Variants in CNTNAP4 observed in about 807,000 individuals in gnomAD.
The protein encoded by CNTNAP4 is contactin-associated protein-like 4.
In CNTNAP4, 98 loss-of-function variants were observed where a neutral mutation model predicts 148.4. The ratio of observed to expected loss-of-function variants is 0.66; its 90% CI spans 0.56 to 0.78. CNTNAP4 has a LOEUF of 0.78. Ranked by LOEUF, CNTNAP4 falls within the 30% of genes least tolerant of loss-of-function variation. The probability of loss-of-function intolerance (pLI) is 0.00; values close to 1 mark genes in which losing one functional copy is unlikely to be tolerated. For synonymous variants in CNTNAP4, 730 were observed against 565.1 expected (o/e 1.29, Z -4.14); for missense variants, 1,935 against 1,565.6 (o/e 1.24, Z -3.98).
At position 76,538,262 on chromosome 16, in the gene CNTNAP4, AC is replaced by A. The variant is rs768161240; in HGVS notation, c.3143del (p.Thr1048LysfsTer11). On this transcript the variant is annotated frameshift_variant, in exon 19 of 24. Coordinates refer to ENST00000611870, the MANE Select transcript of CNTNAP4 (RefSeq NM_033401.5). LOFTEE classifies it high-confidence loss of function. ...SREMIKFSFR[T>X]TRTPSLLLFV... ...AGAAATGATCAAATTTAGTTTCCGA[AC>A]AACACGAACACCAAGCTTGCTGCTT... 1 of 1,611,064 alleles carries A rather than the reference AC, an allele frequency of 6.2e-7. No homozygotes were observed. The highest frequency in any genetic ancestry group is 8.5e-7 in the Non-Finnish European group (1 of 1,178,876).
At chr16:76,296,721 T>G (rs1378234238) in intron 1 of CNTNAP4, among the ~76,000 whole-genome samples, 2 of 152,096 alleles carry the variant, frequency 1.3e-5, no homozygotes, top group African/African-American at 4.8e-5. Context: ...TTTTGGAAAT[T>G]CCACATCAAT....
chr16:76,388,387 T>C (rs2016687524), intron 3 of CNTNAP4, among the ~76,000 whole-genome samples: 1 of 152,238 alleles, frequency 6.6e-6, no homozygotes, highest in Non-Finnish European at 1.5e-5. Flanking sequence ...CCATTCTTTC[T>C]TACTTGAGGC....
rs373345075 is a variant in CNTNAP4, at chr16:76,323,748, C to G, written c.196+7225C>G. On this transcript the variant is annotated intron_variant, in intron 2 of 23. Coordinates refer to ENST00000611870, the MANE Select transcript of CNTNAP4 (RefSeq NM_033401.5). ...GTCTTGGTGCGTTTTCCATCTTACCCTTTATCGTCCTTGTCTGCTCTATGG... is the reference window on the plus strand; with the variant it reads ...GTCTTGGTGCGTTTTCCATCTTACCGTTTATCGTCCTTGTCTGCTCTATGG... Among the ~76,000 whole-genome samples the G allele has an allele frequency of 3.9e-5, 6 of 152,268 alleles. No individual in the cohort carries two copies. In the East Asian group the frequency reaches 9.7e-4, roughly 25 times the overall value.
chr16:76,495,002 G>T lies in CNTNAP4; in HGVS notation c.2173G>T (p.Gly725Ter). ...GCCTGATCTTCAAAAATGTACTTGT[G>T]GATTAGAGGGAAACTGCATTGATTC... ...SSPDLQKCTC[G>*]LEGNCIDSQY... is the part of the protein sequence containing the mutation. The change falls in exon 14 of 24, where the codon GGA (glycine) becomes TGA (stop). Residue 725 changes from glycine (G) to a stop codon, truncating the protein, a stop_gained. Transcript: ENST00000611870. LOFTEE classifies it high-confidence loss of function. 1 of 1,613,476 alleles carries T rather than the reference G, an allele frequency of 6.2e-7. No homozygotes were observed. Among genetic ancestry groups the T allele is most frequent in the Non-Finnish European group, 8.5e-7 (1 of 1,179,570 alleles).
intron 3 of CNTNAP4, among the ~76,000 whole-genome samples, chr16:76,390,585 A>AG (rs1191583017): frequency 6.6e-6 from 1 of 151,920 alleles, no homozygotes; most frequent in East Asian, 1.9e-4. Flanking sequence ...AAAAAAAAAA[A>AG]AAGCCCTGCT....
chr16:76,392,588 C>G (rs528655045), intron 3 of CNTNAP4, among the ~76,000 whole-genome samples: 1 of 152,126 alleles, frequency 6.6e-6, no homozygotes, highest in Non-Finnish European at 1.5e-5. Context: ...TGTCCCCTCA[C>G]CACATGTAGT....
At chr16:76,530,047 T>TA (rs2083908692) in intron 17 of CNTNAP4, among the ~76,000 whole-genome samples, 6 of 152,098 alleles carry the variant, frequency 3.9e-5, no homozygotes, top group African/African-American at 1.4e-4. Flanking sequence ...CTTATTTTTT[T>TA]TAAAAAAAAC....
chr16:76,292,594 C>A (rs541841160), intron 1 of CNTNAP4, among the ~76,000 whole-genome samples: 5 of 152,176 alleles, frequency 3.3e-5, no homozygotes, highest in Non-Finnish European at 4.4e-5. Context: ...TCTCCAGAGG[C>A]ATGATTTACT....
Position 76,560,257 on chromosome 16 carries a change from CATCTT to C in CNTNAP4, c.*1577_*1581del, listed in dbSNP as rs542133306. Reference sequence around the variant, plus strand: ...AAATATGTAAATTTAGCATTACTATCATCTTATTTTCTATATTTTCCTTGTTAACT... The same window carrying C: ...AAATATGTAAATTTAGCATTACTATCATTTTCTATATTTTCCTTGTTAACT... On this transcript the variant is annotated 3_prime_UTR_variant, in exon 24 of 24. Coordinates refer to ENST00000611870, the MANE Select transcript of CNTNAP4 (RefSeq NM_033401.5). 5.4e-4 allele frequency among the ~76,000 whole-genome samples: 82 copies of C among 152,280 alleles called. No individual in the cohort carries two copies. Among genetic ancestry groups the C allele is most frequent in the African/African-American group, 1.9e-3 (79 of 41,582 alleles).
At chr16:76,465,748 G>A (rs2081154645) in intron 9 of CNTNAP4, among the ~76,000 whole-genome samples, 1 of 152,108 alleles carries the variant, frequency 6.6e-6, no homozygotes, top group Admixed American at 6.6e-5. Flanking sequence ...AATGTGTGTA[G>A]TACCATGTAC....
chr16:76,491,911 T>C (rs1048880679), intron 13 of CNTNAP4, among the ~76,000 whole-genome samples: 2 of 152,170 alleles, frequency 1.3e-5, no homozygotes, highest in Non-Finnish European at 1.5e-5. Flanking sequence ...CACTTAGGTT[T>C]TTCCGTATCT....
At chr16:76,515,351 G>GATCATTAAGGTAA (rs2083206442) in intron 15 of CNTNAP4, among the ~76,000 whole-genome samples, 2 of 152,150 alleles carry the variant, frequency 1.3e-5, no homozygotes, top group Non-Finnish European at 1.5e-5. Context: ...CCTTTAAGGA[G>GATCATTAAGGTAA]ATCATTAAGG....
Position 76,409,877 on chromosome 16 carries a change from A to G in CNTNAP4, c.391-17575A>G, listed in dbSNP as rs145060747. ...CTGTAACACTGTGCCATCTGTGAAG[A>G]CTTAATCACTATACAACACAACAAT... On this transcript the variant is annotated intron_variant, in intron 3 of 23. Coordinates refer to ENST00000611870, the MANE Select transcript of CNTNAP4 (RefSeq NM_033401.5). Among the ~76,000 whole-genome samples the G allele has an allele frequency of 1.1e-3, 169 of 152,024 alleles. 2 individuals carry two copies. Among genetic ancestry groups the G allele is most frequent in the African/African-American group, 5.5e-4 (23 of 41,524 alleles).
intron 3 of CNTNAP4, among the ~76,000 whole-genome samples, chr16:76,396,201 G>A (rs1238225109): frequency 6.6e-6 from 1 of 152,166 alleles, no homozygotes; most frequent in African/African-American, 2.4e-5. Flanking sequence ...AGCTAAAAAA[G>A]TCAAGGGGAT....
At chr16:76,389,413 C>T (rs553096031) in intron 3 of CNTNAP4, among the ~76,000 whole-genome samples, 4 of 152,070 alleles carry the variant, frequency 2.6e-5, no homozygotes, top group African/African-American at 9.7e-5. Context: ...TTCCACTCAG[C>T]GCTTTGACAG....
intron 2 of CNTNAP4, among the ~76,000 whole-genome samples, chr16:76,338,946 A>G (rs1434897601): frequency 6.6e-6 from 1 of 152,160 alleles, no homozygotes; most frequent in African/African-American, 2.4e-5. Flanking sequence ...CATTCCCAGC[A>G]TTTCTTTTGA....
At chr16:76,508,889 A>C (rs1184887117) in intron 15 of CNTNAP4, among the ~76,000 whole-genome samples, 1 of 92,688 alleles carries the variant, frequency 1.1e-5, no homozygotes, top group African/African-American at 2.7e-5. Flanking sequence ...AGTAGCTGGG[A>C]CTACAGGCAA....
At chr16:76,484,873 T>C (rs1186443131) in intron 12 of CNTNAP4, among the ~76,000 whole-genome samples, 1 of 152,208 alleles carries the variant, frequency 6.6e-6, no homozygotes, top group African/African-American at 2.4e-5. Flanking sequence ...TGCAAATATG[T>C]GTCTTATTAA....
chr16:76,489,696 G>T lies in CNTNAP4; in HGVS notation c.1893G>T (p.Trp631Cys). Residue 631 changes from tryptophan to cysteine, a missense_variant, in exon 13 of 24, where the codon TGG (tryptophan) becomes TGT (cysteine). Trp to Cys is a radical substitution (Grantham distance 215). Transcript: ENST00000611870. ...ATTTCTGCATACAAGAAACTGCATG[G>T]ACCATCATACAGCACAACGGCTCTG... ...LLYCNMTETA[W>C]TIIQHNGSDL... is the part of the protein sequence containing the mutation. The T allele has an allele frequency of 6.3e-7, 1 of 1,577,874 alleles. No homozygotes were observed. The highest frequency in any genetic ancestry group is 1.2e-5 in the South Asian group (1 of 86,230).
Sources: gnomAD v4.1 joint callset for allele counts (sites outside exome capture counted in the v4.1 genomes callset) on GRCh38, gnomAD v4.1.1 for gene constraint, MANE v1.5 for transcripts, NCBI Gene and HGNC (gene_info 2026-07-23, HGNC 2026-07-21) for gene names.